SLC3A2: variants seen among roughly 807,000 people sequenced by gnomAD.
SLC3A2 encodes amino acid transporter heavy chain SLC3A2.
SLC3A2 carries 32 observed loss-of-function variants against 48.5 expected under a neutral mutation model. The ratio of observed to expected loss-of-function variants is 0.66; its 90% confidence interval spans 0.50 to 0.89. The LOEUF is 0.89. SLC3A2 is among the 40% of genes least tolerant of loss of function. The probability of loss-of-function intolerance (pLI) is 0.00; values close to 1 mark genes in which losing one functional copy is unlikely to be tolerated. For synonymous variants in SLC3A2, 277 were observed against 288.8 expected, an observed-to-expected ratio of 0.96 and a Z score of 0.41; for missense variants, 587 against 680.7, an observed-to-expected ratio of 0.86 and a Z score of 1.53.
chr11:62,877,021 A>C (rs2085577462), upstream of SLC3A2: 1 of 853,126 alleles, frequency 1.2e-6, no homozygotes, highest in Non-Finnish European at 1.4e-6. Context: ...TTGTCTTCAC[A>C]TGCTAGTTTT....
rs756839633 is a variant in SLC3A2, at chr11:62,885,252, G to A, written c.894G>A (p.Leu298=). Residue 298 remains leucine (L), a synonymous_variant, in exon 6 of 9, where the codon CTG becomes CTA. Transcript: ENST00000338663. ...TACTCGAATCCAACAAAGACTTGCTGTTGACTAGCTCATACCTGTCTGATT... is the reference window on the plus strand; with the variant it reads ...TACTCGAATCCAACAAAGACTTGCTATTGACTAGCTCATACCTGTCTGATT... ...LSLLESNKDL[L]LTSSYLSDSG... The A allele has an allele frequency of 1.2e-6, 2 of 1,614,204 alleles. No homozygotes were observed. Among genetic ancestry groups the A allele is most frequent in the Non-Finnish European group, 1.7e-6 (2 of 1,180,048 alleles).
At chr11:62,871,581 G>T in intron 1 of SLC3A2, 1 of 649,076 alleles carries the variant, frequency 1.5e-6, no homozygotes, top group Non-Finnish European at 2.8e-6. Flanking sequence ...TTGTAGAGAC[G>T]GGGTCTGACT....
intron 7 of SLC3A2, 52 bp downstream of exon 7, chr11:62,885,660 T>C: frequency 1.3e-6 from 2 of 1,594,400 alleles, no homozygotes; most frequent in South Asian, 1.1e-5. Flanking sequence ...CATCTTACAA[T>C]GATGATTCTG....
upstream of SLC3A2, among the ~76,000 whole-genome samples, chr11:62,876,305 C>A (rs1472440525): frequency 1.3e-5 from 2 of 152,048 alleles, no homozygotes; most frequent in East Asian, 1.9e-4. Context: ...TATACTTGGC[C>A]CCCTGCATTT....
In SLC3A2 at chr11:62,888,544, G is replaced by C. The variant is rs774350572; in HGVS notation, c.1441G>C (p.Asp481His). ...VGLSAGLQAS[D>H]LPASASLPAK... ...CCTCTCGGCTGGACTGCAGGCCTCC[G>C]ACCTGCCTGCCAGCGCCAGCCTGCC... Residue 481 changes from aspartate (D) to histidine (H), a missense_variant, in exon 9 of 9, where the codon GAC becomes CAC. This residue lies in a region of SLC3A2 where 169 missense variants were observed against 204.4 expected (regional missense o/e 0.83). Transcript: ENST00000338663. The C allele has an allele frequency of 6.2e-7, 1 of 1,614,092 alleles. No homozygotes were observed. The highest frequency in any genetic ancestry group is 2.2e-5 in the East Asian group (1 of 44,872).
chr11:62,882,370 G>GAT, intron 2 of SLC3A2: 2 of 344,372 alleles, frequency 5.8e-6, no homozygotes, highest in Middle Eastern at 9.0e-4. Context: ...TTTGGGGGGG[G>GAT]GGAATCCCAA....
Position 62,888,148 on chromosome 11 carries a change from C to T in SLC3A2, c.1157C>T (p.Pro386Leu). The change falls in exon 8 of 9, where the codon CCA (proline) becomes CTA (leucine). Residue 386 changes from proline to leucine, a missense_variant. Pro to Leu is a moderately conservative substitution (Grantham distance 98). This residue lies in a region of SLC3A2 where 169 missense variants were observed against 204.4 expected (regional missense o/e 0.83). Transcript: ENST00000338663. ...AALPGQPMEAPVMLWDESSFP... is the reference protein window; with the variant it reads ...AALPGQPMEALVMLWDESSFP... ...TCTGCTTTTCAGCCTATGGAGGCTCCAGTCATGCTGTGGGATGAGTCCAGC... is the reference window on the plus strand; with the variant it reads ...TCTGCTTTTCAGCCTATGGAGGCTCTAGTCATGCTGTGGGATGAGTCCAGC... 2 of 1,613,670 alleles carry T rather than the reference C, an allele frequency of 1.2e-6. No homozygotes were observed. Among genetic ancestry groups the T allele is most frequent in the Non-Finnish European group, 1.7e-6 (2 of 1,179,940 alleles).
At chr11:62,870,855 A>T (rs7106901) in intron 1 of SLC3A2, 13,103 of 134,360 alleles carry the variant, frequency 0.098, 1,298 homozygotes, top group African/African-American at 0.36. Context: ...TAATAATAAT[A>T]ATTATTATTA....
Position 62,883,016 on chromosome 11 carries a change from A to G in SLC3A2, c.690+17A>G. 6.2e-7 allele frequency: 1 copy of G among 1,611,242 alleles called. No individual in the cohort carries two copies. Among genetic ancestry groups the G allele is most frequent in the Non-Finnish European group, 8.5e-7 (1 of 1,177,342 alleles). ...AAGGTGAAGGTGAGTGTTGGAGCTG[A>G]TGGCTGGTGGAAGTCAGATGCTGGG... is the stretch of plus-strand genomic sequence containing the variant. On this transcript the variant is annotated intron_variant, in intron 3 of 8. Coordinates refer to ENST00000338663, the MANE Select transcript of SLC3A2 (RefSeq NM_001013251.3).
rs554464267 is a variant in SLC3A2 at position 62,882,192 on chromosome 11, A to G, written c.598+126A>G. 3.6e-5 allele frequency: 39 copies of G among 1,081,828 alleles called. 1 individual carries two copies. The South Asian group carries it at 4.9e-4, about 13-fold the overall frequency. The allele number at this position is 1,081,828 out of a possible 1,614,324, so 67.0% of individuals were successfully genotyped here. On this transcript the variant is annotated intron_variant, in intron 2 of 8. Coordinates refer to ENST00000338663, the MANE Select transcript of SLC3A2 (RefSeq NM_001013251.3). ...TTTTCCTAGGGCAGGTAGAGGGGAGATTTGTTAGTCTTCAGCCTAAAATGG... is the reference window on the plus strand; with the variant it reads ...TTTTCCTAGGGCAGGTAGAGGGGAGGTTTGTTAGTCTTCAGCCTAAAATGG...
chr11:62,882,223 T>C, intron 2 of SLC3A2, 157 bp downstream of exon 2: 1 of 832,876 alleles, frequency 1.2e-6, no homozygotes, highest in Non-Finnish European at 1.9e-6. Context: ...AATGGATTTG[T>C]CCAGTCGTCT....
At chr11:62,867,879 TTTCTACAAATTATTTTACAAATG>T (rs1256864359) in intron 1 of SLC3A2, among the ~76,000 whole-genome samples, 5 of 152,108 alleles carry the variant, frequency 3.3e-5, no homozygotes, top group Non-Finnish European at 7.3e-5. Flanking sequence ...AGTTAGAAAT[TTTCTACAAATTATTTTACAAATG>T]TTCTACAAAT....
At chr11:62,887,819 G>T (rs1393710740) in intron 7 of SLC3A2, 3 of 225,472 alleles carry the variant, frequency 1.3e-5, no homozygotes, top group Non-Finnish European at 2.7e-5. Context: ...TTGAGACAGG[G>T]TCTCACTCTG....
intron 1 of SLC3A2, chr11:62,870,847 A>G (rs1289009236): frequency 7.1e-6 from 1 of 140,562 alleles, no homozygotes; most frequent in Non-Finnish European, 1.2e-5. Context: ...GGTAATAATA[A>G]TAATAATAAT....
intron 1 of SLC3A2, among the ~76,000 whole-genome samples, chr11:62,872,980 ACTT>A (rs2085532943): frequency 6.6e-6 from 1 of 152,104 alleles, no homozygotes; most frequent in Non-Finnish European, 1.5e-5. Context: ...CTAAATATCT[ACTT>A]CTCAATATTT....
chr11:62,878,839 A>G (rs2085598295), upstream of SLC3A2, among the ~76,000 whole-genome samples: 1 of 149,110 alleles, frequency 6.7e-6, no homozygotes, highest in African/African-American at 2.5e-5. Context: ...CAGCCGCGCA[A>G]TCTTGGCTCA....
At chr11:62,858,051 G>GA (rs927288572) in intron 1 of SLC3A2, among the ~76,000 whole-genome samples, 13 of 150,848 alleles carry the variant, frequency 8.6e-5, no homozygotes, top group South Asian at 6.3e-4. Context: ...ACATAGAAAA[G>GA]AAAAAAAAAC....
At chr11:62,866,481 T>C (rs1400554501) in intron 1 of SLC3A2, among the ~76,000 whole-genome samples, 3 of 151,846 alleles carry the variant, frequency 2.0e-5, no homozygotes. Context: ...CTGTAAACTC[T>C]ATCTCCTGGG....
chr11:62,880,688 T>G (rs937322523), upstream of SLC3A2: 1 of 256,340 alleles, frequency 3.9e-6, no homozygotes. Flanking sequence ...GTGCCAGGCC[T>G]TCCCAGAATC....
Sources: allele counts gnomAD v4.1 joint callset (sites outside exome capture counted in the v4.1 genomes callset), GRCh38; gene constraint gnomAD v4.1.1; regional missense constraint gnomAD v4.1.1; transcripts MANE v1.5; gene names NCBI Gene and HGNC (gene_info 2026-07-23, HGNC 2026-07-21).